PEAK1: variants seen among roughly 807,000 people sequenced by gnomAD.
PEAK1 encodes the protein pseudopodium enriched atypical kinase 1, also known as inactive tyrosine-protein kinase PEAK1.
Under a neutral mutation model 124.7 loss-of-function variants are expected in PEAK1, and 54 were observed. That is an observed-to-expected ratio of 0.43 (90% confidence interval 0.35 to 0.54). The LOEUF (loss-of-function observed/expected upper bound fraction) is 0.54. Among genes scored for constraint, PEAK1 ranks in the 20% least tolerant of loss-of-function variants. The pLI is 0.01. For synonymous variants in PEAK1, 719 were observed against 760.0 expected (o/e 0.95, Z 0.89); for missense variants, 2,046 against 2,134.5 (o/e 0.96, Z 0.82).
chr15:77,264,641 G>A (rs916142069), intron 5 of PEAK1, among the ~76,000 whole-genome samples: 2 of 152,102 alleles, frequency 1.3e-5, no homozygotes, highest in African/African-American at 4.8e-5. Flanking sequence ...CACGCTCATG[G>A]GTAGGAAGAA....
intron 6 of PEAK1, among the ~76,000 whole-genome samples, chr15:77,207,253 A>T (rs2058704708): frequency 2.6e-5 from 4 of 152,220 alleles, no homozygotes; most frequent in Admixed American, 2.0e-4. Context: ...ACAAAAGACA[A>T]AATAACTTTA....
chr15:77,165,283 C>A (rs918808667), intron 7 of PEAK1, among the ~76,000 whole-genome samples: 3 of 151,732 alleles, frequency 2.0e-5, no homozygotes, highest in South Asian at 4.2e-4. Context: ...CAACCTCTGC[C>A]TCCCGGGTTC....
At chr15:77,317,569 T>C (rs780670977) in intron 2 of PEAK1, among the ~76,000 whole-genome samples, 16 of 152,188 alleles carry the variant, frequency 1.1e-4, no homozygotes, top group Non-Finnish European at 2.4e-4. Flanking sequence ...GCAGCACAAA[T>C]GAGTTGAATC....
chr15:77,136,640 T>C (rs866396690), intron 8 of PEAK1, among the ~76,000 whole-genome samples: 25 of 152,192 alleles, frequency 1.6e-4, no homozygotes, highest in African/African-American at 6.0e-4. Context: ...TACTCCAGTA[T>C]TGGTGACAGA....
intron 6 of PEAK1, among the ~76,000 whole-genome samples, chr15:77,186,972 G>A (rs1032447634): frequency 2.0e-5 from 3 of 152,178 alleles, no homozygotes; most frequent in Admixed American, 1.3e-4. Flanking sequence ...CCAAAGTTAT[G>A]CTTGAGAAAT....
intron 7 of PEAK1, among the ~76,000 whole-genome samples, chr15:77,170,763 T>G (rs1042849733): frequency 6.6e-6 from 1 of 152,152 alleles, no homozygotes; most frequent in African/African-American, 2.4e-5. Flanking sequence ...AAACTTTAGC[T>G]CAGAGATACT....
At chr15:77,404,167 A>G (rs1454574699) in intron 1 of PEAK1, 2 of 985,270 alleles carry the variant, frequency 2.0e-6, no homozygotes, top group Non-Finnish European at 2.4e-6. Context: ...AGAAATACCT[A>G]ATTTTATTGA....
At chr15:77,188,264 G>A (rs796170857) in intron 6 of PEAK1, among the ~76,000 whole-genome samples, 38 of 152,278 alleles carry the variant, frequency 2.5e-4, no homozygotes, top group African/African-American at 8.7e-4. Flanking sequence ...AGCCCATCCA[G>A]TTCCAATTGT....
At chr15:77,101,032 T>C (rs2152701110) in exon 7 of PEAK1, 1 of 152,478 alleles carries the variant, frequency 6.6e-6, no homozygotes. Context: ...AGACACCCTC[T>C]AAAGAGCACA....
At chr15:77,340,518 T>C (rs1175878085) in intron 2 of PEAK1, among the ~76,000 whole-genome samples, 1 of 152,192 alleles carries the variant, frequency 6.6e-6, no homozygotes, top group Non-Finnish European at 1.5e-5. Context: ...GTGAAAATAT[T>C]CTGCTTGAAT....
At chr15:77,199,587 T>C (rs1412393553) in intron 6 of PEAK1, among the ~76,000 whole-genome samples, 6 of 152,216 alleles carry the variant, frequency 3.9e-5, no homozygotes, top group African/African-American at 1.4e-4. Flanking sequence ...TGTGTCCACA[T>C]GTTGTACATG....
chr15:77,400,361 C>G (rs1418166876), intron 1 of PEAK1, among the ~76,000 whole-genome samples: 2 of 152,114 alleles, frequency 1.3e-5, no homozygotes, highest in African/African-American at 4.8e-5. Context: ...TATCTCCACT[C>G]CCATGTTTAC....
At chr15:77,151,114 T>A (rs1463747277) in intron 8 of PEAK1, among the ~76,000 whole-genome samples, 1 of 152,128 alleles carries the variant, frequency 6.6e-6, no homozygotes, top group African/African-American at 2.4e-5. Context: ...GTTGAACTAG[T>A]TTACAGTCCC....
intron 2 of PEAK1, among the ~76,000 whole-genome samples, chr15:77,300,942 T>G (rs1171657977): frequency 6.6e-6 from 1 of 152,004 alleles, no homozygotes; most frequent in African/African-American, 2.4e-5. Context: ...ACCTCCGCCT[T>G]CCAGGTTCAA....
chr15:77,361,284 A>C (rs1467005616), intron 2 of PEAK1, among the ~76,000 whole-genome samples: 1 of 152,166 alleles, frequency 6.6e-6, no homozygotes, highest in Admixed American at 6.5e-5. Flanking sequence ...TCCGCAAAAA[A>C]TTTAAAAAAA....
At chr15:77,297,987 A>G (rs1341656789) in intron 2 of PEAK1, among the ~76,000 whole-genome samples, 7 of 133,088 alleles carry the variant, frequency 5.3e-5, no homozygotes, top group Non-Finnish European at 6.2e-5. Context: ...GAAGCCGGGA[A>G]GCGGAGCTTG....
At chr15:77,233,305 C>A (rs573519703) in intron 6 of PEAK1, among the ~76,000 whole-genome samples, 29 of 152,154 alleles carry the variant, frequency 1.9e-4, no homozygotes, top group Non-Finnish European at 4.0e-4. Context: ...CAAAACTCTG[C>A]TAATTAAGGT....
intron 2 of PEAK1, among the ~76,000 whole-genome samples, chr15:77,315,014 C>G (rs1245570384): frequency 3.3e-5 from 5 of 152,022 alleles, no homozygotes; most frequent in Non-Finnish European, 7.4e-5. Flanking sequence ...GTATACCCAG[C>G]TAACAAACCT....
intron 2 of PEAK1, among the ~76,000 whole-genome samples, chr15:77,341,029 C>T (rs1049912571): frequency 1.3e-5 from 2 of 151,736 alleles, no homozygotes; most frequent in Non-Finnish European, 1.5e-5. Flanking sequence ...CAGATCACTG[C>T]AACTCTTGAT....
Sources: allele counts gnomAD v4.1 joint callset (sites outside exome capture counted in the v4.1 genomes callset), GRCh38; gene constraint gnomAD v4.1.1; transcripts MANE v1.5; gene names NCBI Gene and HGNC (gene_info 2026-07-23, HGNC 2026-07-21).